The following CDC42BPA variants were observed in gnomAD, a reference collection of about 807,000 sequenced individuals.
CDC42BPA encodes serine/threonine-protein kinase MRCK alpha.
Under a neutral mutation model 223.5 loss-of-function variants are expected in CDC42BPA, and 80 were observed. The observed-to-expected ratio is 0.36, with a 90% confidence interval of 0.30 to 0.43. The LOEUF (loss-of-function observed/expected upper bound fraction) is 0.43. Among genes scored for constraint, CDC42BPA ranks in the 20% least tolerant of loss-of-function variants. CDC42BPA has a pLI of 1.00. For synonymous variants in CDC42BPA, 694 were observed against 718.6 expected (o/e 0.97, Z 0.55); for missense variants, 1,743 against 2,099.9 (o/e 0.83, Z 3.32).
chr1:227,086,780 G>A (rs938447916), intron 16 of CDC42BPA, among the ~76,000 whole-genome samples: 7 of 149,784 alleles, frequency 4.7e-5, no homozygotes, highest in African/African-American at 9.9e-5. Flanking sequence ...AAATCCTCCC[G>A]TTTTAGCCTT....
intron 9 of CDC42BPA, among the ~76,000 whole-genome samples, chr1:227,139,951 T>C (rs1659387448): frequency 6.6e-6 from 1 of 152,184 alleles, no homozygotes; most frequent in Admixed American, 6.5e-5. Flanking sequence ...CCATAAACTG[T>C]TTTTAGAAGC....
At chr1:227,179,488 T>G (rs1032101572) in intron 5 of CDC42BPA, among the ~76,000 whole-genome samples, 2 of 151,430 alleles carry the variant, frequency 1.3e-5, no homozygotes, top group Non-Finnish European at 2.9e-5. Context: ...TACAAAAAAT[T>G]AGCCGGGCGT....
At chr1:227,170,102 G>C (rs1665830302) in intron 5 of CDC42BPA, among the ~76,000 whole-genome samples, 2 of 152,110 alleles carry the variant, frequency 1.3e-5, no homozygotes, top group South Asian at 4.1e-4. Context: ...ATGGACTCTT[G>C]TGACTGTCTC....
chr1:227,294,315 T>A (rs919302294), intron 1 of CDC42BPA, among the ~76,000 whole-genome samples: 26 of 152,188 alleles, frequency 1.7e-4, no homozygotes, highest in Admixed American at 1.5e-3. Context: ...TGTGTATTTA[T>A]TTAATGAAAT....
intron 2 of CDC42BPA, among the ~76,000 whole-genome samples, chr1:227,219,817 G>A (rs1675520286): frequency 6.6e-6 from 1 of 152,032 alleles, no homozygotes; most frequent in African/African-American, 2.4e-5. Flanking sequence ...TTTTCATCAG[G>A]AATGAATAAG....
intron 2 of CDC42BPA, among the ~76,000 whole-genome samples, chr1:227,213,611 A>G (rs1674321571): frequency 6.6e-6 from 1 of 152,176 alleles, no homozygotes; most frequent in Admixed American, 6.6e-5. Context: ...TAAATAATGC[A>G]TGCAAAATTC....
intron 2 of CDC42BPA, among the ~76,000 whole-genome samples, chr1:227,236,473 C>T (rs539825731): frequency 6.6e-6 from 1 of 152,254 alleles, no homozygotes; most frequent in African/African-American, 2.4e-5. Flanking sequence ...TTTCCTCATA[C>T]AAGTTCCATC....
chr1:227,129,863 G>A (rs1250015317), intron 10 of CDC42BPA, among the ~76,000 whole-genome samples: 1 of 151,786 alleles, frequency 6.6e-6, no homozygotes, highest in Non-Finnish European at 1.5e-5. Context: ...GATGCTATAC[G>A]AAGAACTGAA....
intron 5 of CDC42BPA, among the ~76,000 whole-genome samples, chr1:227,192,879 G>C (rs1669950118): frequency 6.6e-6 from 1 of 151,816 alleles, no homozygotes. Flanking sequence ...ATATAATACA[G>C]GACTTATTTA....
At chr1:226,999,891 T>C (rs913503364) in intron 35 of CDC42BPA, among the ~76,000 whole-genome samples, 57 of 143,198 alleles carry the variant, frequency 4.0e-4, no homozygotes, top group African/African-American at 1.3e-3. Flanking sequence ...TAAGTGGGAG[T>C]TGAACAATGA....
intron 10 of CDC42BPA, among the ~76,000 whole-genome samples, chr1:227,135,922 G>A (rs1255563631): frequency 2.1e-5 from 3 of 140,128 alleles, no homozygotes; most frequent in Admixed American, 7.3e-5. Context: ...TCTTGTCCAA[G>A]CTCAATTCTT....
intron 2 of CDC42BPA, among the ~76,000 whole-genome samples, chr1:227,215,911 C>T (rs923431129): frequency 6.6e-6 from 1 of 152,136 alleles, no homozygotes; most frequent in Admixed American, 6.5e-5. Flanking sequence ...ACAATATTCA[C>T]CACAGTGTGG....
intron 22 of CDC42BPA, among the ~76,000 whole-genome samples, chr1:227,048,497 T>C (rs913834255): frequency 6.6e-6 from 1 of 151,854 alleles, no homozygotes; most frequent in African/African-American, 2.4e-5. Flanking sequence ...AGACTGACAC[T>C]GGGATTTTTG....
intron 21 of CDC42BPA, among the ~76,000 whole-genome samples, chr1:227,062,246 C>CGA (rs1403007333): frequency 6.6e-6 from 1 of 152,280 alleles, no homozygotes; most frequent in East Asian, 1.9e-4. Flanking sequence ...TCCCTGCTCC[C>CGA]TCCCCCCGCA....
At chr1:227,142,868 T>C in intron 9 of CDC42BPA, 77 bp downstream of exon 9, 3 of 907,406 alleles carry the variant, frequency 3.3e-6, no homozygotes, top group Non-Finnish European at 1.6e-6. Context: ...TACACCTGTC[T>C]TGGCCTCCCA....
chr1:227,196,630 T>C (rs573126719), intron 4 of CDC42BPA, among the ~76,000 whole-genome samples: 15 of 152,094 alleles, frequency 9.9e-5, no homozygotes, highest in South Asian at 8.3e-4. Context: ...TGAGCCACCG[T>C]GCCCGGCCCT....
Position 227,317,353 on chromosome 1 carries a change from T to A in CDC42BPA, c.-171A>T. Reference sequence around the variant, plus strand: ...CATCCAACACACCAGTAACCTCACTTAACTGAAGCGTCTTCAATTTCACCC... The same window carrying A: ...CATCCAACACACCAGTAACCTCACTAAACTGAAGCGTCTTCAATTTCACCC... On this transcript the variant is annotated 5_prime_UTR_variant, in exon 1 of 37. The change creates a premature stop within an existing upstream ORF in the 5' untranslated region. Transcript: ENST00000366766. 1.7e-6 allele frequency: 1 copy of A among 594,690 alleles called. No homozygotes were observed. 36.8% of individuals were successfully genotyped at this position (594,690 alleles called of 1,614,324 possible). A position where few individuals can be genotyped will look rare whatever the true frequency, so the allele number is the denominator to read the frequency against.
chr1:227,029,572 A>T (rs1467121794), intron 29 of CDC42BPA, among the ~76,000 whole-genome samples: 1 of 152,198 alleles, frequency 6.6e-6, no homozygotes, highest in Non-Finnish European at 1.5e-5. Context: ...CCATTTTTAA[A>T]AACAGAGAAC....
At chr1:227,196,402 T>C (rs1201903698) in intron 4 of CDC42BPA, among the ~76,000 whole-genome samples, 2 of 139,140 alleles carry the variant, frequency 1.4e-5, no homozygotes, top group Admixed American at 7.7e-5. Flanking sequence ...TGCAGTGGCG[T>C]GACCTCAGCT....
Sources: allele counts gnomAD v4.1 joint callset (sites outside exome capture counted in the v4.1 genomes callset), GRCh38; gene constraint gnomAD v4.1.1; transcripts MANE v1.5; gene names NCBI Gene and HGNC (gene_info 2026-07-23, HGNC 2026-07-21).